SOX13: variants seen among roughly 807,000 people sequenced by gnomAD.
SOX13 encodes SRY-box transcription factor 13.
Under a neutral mutation model 71.8 loss-of-function variants are expected in SOX13, and 28 were observed. That is an observed-to-expected ratio of 0.39 (90% CI 0.29 to 0.53). The LOEUF is 0.53. Among genes scored for constraint, SOX13 ranks in the 20% least tolerant of loss-of-function variants. The pLI is 0.70. For missense variants in SOX13, 627 were observed against 810.3 expected, an observed-to-expected ratio of 0.77 and a Z score of 2.75; for synonymous variants, 309 against 317.8, an observed-to-expected ratio of 0.97 and a Z score of 0.29.
chr1:204,083,503 C>T (rs1413711113), intron 1 of SOX13, among the ~76,000 whole-genome samples: 1 of 152,186 alleles, frequency 6.6e-6, no homozygotes, highest in African/African-American at 2.4e-5. Context: ...CCTTGCCCTT[C>T]GGGATCCGTG....
Position 204,113,127 on chromosome 1 carries a change from G to T in SOX13, c.212G>T (p.Gly71Val). Residue 71 changes from glycine to valine, a missense_variant, in exon 2 of 14, where the codon GGC becomes GTC. Gly to Val is a moderately radical substitution (Grantham distance 109). This residue lies in a region of SOX13 where 447 missense variants were observed against 532.2 expected (regional missense o/e 0.84). Coordinates refer to ENST00000367204, the MANE Select transcript of SOX13 (RefSeq NM_005686.3). ...PQAPAQGNFRGSWDCSSPEGN... is the reference protein window; with the variant it reads ...PQAPAQGNFRVSWDCSSPEGN... ...GCTCCAGCCCAGGGGAATTTCAGGGGCTCCTGGGTCAGTGTCCCCGCCCTG... is the reference window on the plus strand; with the variant it reads ...GCTCCAGCCCAGGGGAATTTCAGGGTCTCCTGGGTCAGTGTCCCCGCCCTG... The T allele has an allele frequency of 6.4e-7, 1 of 1,551,326 alleles. No homozygotes were observed. The highest frequency in any genetic ancestry group is 2.0e-4 in the Middle Eastern group (1 of 5,112).
chr1:204,075,327 C>T (rs979188243), intron 1 of SOX13, among the ~76,000 whole-genome samples: 1 of 152,066 alleles, frequency 6.6e-6, no homozygotes, highest in South Asian at 2.1e-4. Flanking sequence ...CCCTCTCCCC[C>T]GCTCCCTGGC....
At position 204,122,990 on chromosome 1, in the gene SOX13, A is replaced by C. The variant is rs770863025; in HGVS notation, c.1134+27A>C. The C allele has an allele frequency of 3.2e-5, 49 of 1,533,176 alleles. No individual in the cohort carries two copies. In the South Asian group the frequency reaches 5.7e-4, roughly 18 times the overall value. 95.0% of individuals were successfully genotyped at this position (1,533,176 alleles called of 1,614,324 possible). On this transcript the variant is annotated intron_variant, in intron 10 of 13. Transcript: ENST00000367204. Reference sequence around the variant, plus strand: ...TATGGTCCCCCACTCCCTTGAGCCTAGGGGCAGCAACAGATGGTGGCCAGG... The same window carrying C: ...TATGGTCCCCCACTCCCTTGAGCCTCGGGGCAGCAACAGATGGTGGCCAGG...
At chr1:204,082,502 T>A (rs761719419) in intron 1 of SOX13, among the ~76,000 whole-genome samples, 1 of 152,160 alleles carries the variant, frequency 6.6e-6, no homozygotes, top group Non-Finnish European at 1.5e-5. Flanking sequence ...AGTAGTGGGC[T>A]ATCACCCCCT....
In SOX13 at chr1:204,122,953, C is replaced by G. The variant is rs752125027; in HGVS notation, c.1124C>G (p.Pro375Arg). 26 of 1,586,714 alleles carry G rather than the reference C, an allele frequency of 1.6e-5. No individual in the cohort carries two copies. The highest frequency in any genetic ancestry group is 1.2e-4 in the African/African-American group (9 of 74,242). ...GCCTTGGATGGCTCCCCCAACACCC[C>G]CTTCCGTAAGGTATGGTCCCCCACT... Reference protein sequence around the residue: ...SGALDGSPNTPFRKDLISLDS... With the variant: ...SGALDGSPNTRFRKDLISLDS... Residue 375 changes from proline (P) to arginine (R), a missense_variant, in exon 10 of 14, where the codon CCC becomes CGC. Physicochemically the swap from Pro to Arg is moderately radical, Grantham distance 103. Coordinates refer to ENST00000367204, the MANE Select transcript of SOX13 (RefSeq NM_005686.3).
intron 1 of SOX13, among the ~76,000 whole-genome samples, chr1:204,110,189 A>C (rs1656551624): frequency 1.3e-5 from 2 of 151,794 alleles, no homozygotes; most frequent in African/African-American, 4.8e-5. Flanking sequence ...AGTGGAGTGC[A>C]GTGGCTTAAT....
intron 1 of SOX13, among the ~76,000 whole-genome samples, chr1:204,109,821 T>C (rs774872938): frequency 3.3e-5 from 5 of 152,108 alleles, no homozygotes; most frequent in Admixed American, 6.6e-5. Context: ...TTATTGTTAT[T>C]ATTATTATCA....
rs775992563 is a variant in SOX13, at chr1:204,126,106, A to G, written c.1841A>G (p.Asp614Gly). The change falls in exon 14 of 14, where the codon GAT becomes GGT. Residue 614 changes from aspartate (D) to glycine (G), a missense_variant. This residue lies in a region of SOX13 where 148 missense variants were observed against 192.7 expected (regional missense o/e 0.77). Coordinates refer to ENST00000367204, the MANE Select transcript of SOX13 (RefSeq NM_005686.3). The part of the protein sequence containing the change: ...DEDSEGEEKS[D>G]GELVVLTD ...GACTCGGAGGGCGAAGAGAAGAGCGATGGGGAGTTGGTGGTGCTCACAGAC... is the reference window on the plus strand; with the variant it reads ...GACTCGGAGGGCGAAGAGAAGAGCGGTGGGGAGTTGGTGGTGCTCACAGAC... 6.2e-7 allele frequency: 1 copy of G among 1,613,906 alleles called. No individual in the cohort carries two copies. Among genetic ancestry groups the G allele is most frequent in the Non-Finnish European group, 8.5e-7 (1 of 1,179,836 alleles).
intron 2 of SOX13, among the ~76,000 whole-genome samples, 170 bp from the exon 3 acceptor site, chr1:204,114,151 T>C (rs938329401): frequency 1.3e-4 from 20 of 152,200 alleles, no homozygotes; most frequent in Non-Finnish European, 2.9e-5. Context: ...TCTGTTCTTT[T>C]CCTAAACAAA....
At chr1:204,088,753 C>T (rs533289051) in intron 1 of SOX13, among the ~76,000 whole-genome samples, 1 of 152,168 alleles carries the variant, frequency 6.6e-6, no homozygotes, top group Non-Finnish European at 1.5e-5. Flanking sequence ...CCCAGCCTCC[C>T]CTCTGCATCC....
intron 1 of SOX13, among the ~76,000 whole-genome samples, chr1:204,089,592 C>T (rs1656098966): frequency 6.6e-6 from 1 of 152,204 alleles, no homozygotes; most frequent in African/African-American, 2.4e-5. Flanking sequence ...AAGAATGGTG[C>T]ACAAGCAAAA....
rs1656863448 is a variant in SOX13, at chr1:204,123,869, T to A, written c.1375+65T>A. 6.4e-7 allele frequency: 1 copy of A among 1,570,148 alleles called. No homozygotes were observed. Among genetic ancestry groups the A allele is most frequent in the Non-Finnish European group, 8.7e-7 (1 of 1,144,460 alleles). ...GGTTGCAGGAGCCAGCTGGGTCTAT[T>A]CAGGGCTTGCTTGGTGATATTCCAT... On this transcript the variant is annotated intron_variant, in intron 12 of 13. Transcript: ENST00000367204. This position sits in a 1 kb window ranked among gnomAD's most constrained non-coding sequence, Gnocchi z 5.0.
Position 204,079,961 on chromosome 1 carries a change from C to G in SOX13, c.-2+6250C>G, listed in dbSNP as rs533914371. 3.3e-5 allele frequency among the ~76,000 whole-genome samples: 5 copies of G among 152,280 alleles called. No individual in the cohort carries two copies. The South Asian group carries it at 1.0e-3, about 32-fold the overall frequency. On this transcript the variant is annotated intron_variant, in intron 1 of 13. Coordinates refer to ENST00000367204, the MANE Select transcript of SOX13 (RefSeq NM_005686.3). ...TGTGTGTGGCCTGGTATCTCAGAGT[C>G]CTGGGTGTGCACAGGGTGTGCACAG... is the stretch of plus-strand genomic sequence containing the variant.
Position 204,113,018 on chromosome 1 carries a change from G to A in SOX13, c.103G>A (p.Glu35Lys), listed in dbSNP as rs575571229. ...KSEEKKEPCH[E>K]APQGSATAAE... is the part of the protein sequence containing the mutation. ...AGAGGAGAAGAAAGAGCCTTGCCAC[G>A]AGGCCCCCCAGGGCTCAGCCACTGC... Residue 35 changes from glutamate (E) to lysine (K), a missense_variant, in exon 2 of 14, where the codon GAG becomes AAG. By Grantham distance (56) the Glu-to-Lys change is moderately conservative. Around this residue, in one of 3 missense-constraint regions of SOX13, gnomAD observed 447 missense variants for 532.2 expected, o/e 0.84. Transcript: ENST00000367204. 2.9e-5 allele frequency: 47 copies of A among 1,612,930 alleles called. No individual in the cohort carries two copies. The African/African-American group carries it at 3.6e-4, about 12-fold the overall frequency.
chr1:204,077,090 G>C (rs964892301), intron 1 of SOX13, among the ~76,000 whole-genome samples: 2 of 152,230 alleles, frequency 1.3e-5, no homozygotes, highest in African/African-American at 4.8e-5. Flanking sequence ...CTGGGGGAGA[G>C]GATAGCTCAG....
Position 204,123,597 on chromosome 1 carries a change from T to G in SOX13, c.1232-64T>G. 1 of 1,560,080 alleles carries G rather than the reference T, an allele frequency of 6.4e-7. No homozygotes were observed. The highest frequency in any genetic ancestry group is 8.7e-7 in the Non-Finnish European group (1 of 1,147,416). ...GGTCAAGTAGGGGACGTCTCTCTGC[T>G]GGCCCTGGGGCACTCTCCTGACCCC... On this transcript the variant is annotated intron_variant, in intron 11 of 13. Coordinates refer to ENST00000367204, the MANE Select transcript of SOX13 (RefSeq NM_005686.3). This position sits in a 1 kb window ranked among gnomAD's most constrained non-coding sequence, Gnocchi z 5.0.
intron 1 of SOX13, among the ~76,000 whole-genome samples, chr1:204,080,564 C>A (rs1655881861): frequency 6.6e-6 from 1 of 152,014 alleles, no homozygotes; most frequent in Non-Finnish European, 1.5e-5. Context: ...CCGCCCCCTG[C>A]TTGACTCAGA....
intron 1 of SOX13, among the ~76,000 whole-genome samples, chr1:204,102,274 G>A (rs754323585): frequency 3.3e-5 from 5 of 152,214 alleles, no homozygotes; most frequent in Non-Finnish European, 7.3e-5. Context: ...TGTCCTTTCC[G>A]CTGTCTGTAG....
In SOX13 at chr1:204,114,390, G is replaced by A; in HGVS notation, c.289G>A (p.Gly97Arg). The change falls in exon 3 of 14, where the codon GGA (glycine) becomes AGA (arginine). Residue 97 changes from glycine (G) to arginine (R), a missense_variant. By Grantham distance (125) the Gly-to-Arg change is moderately radical (BLOSUM62 -2). Around this residue, in one of 3 missense-constraint regions of SOX13, gnomAD observed 447 missense variants for 532.2 expected, o/e 0.84. Transcript: ENST00000367204. ...KRPGVSEAAS[G>R]SQEKLDFNRN... ...ACCAGGAGTGTCGGAGGCTGCCTCT[G>A]GAAGCCAGGAGAAGCTGGACTTCAA... 2 of 1,612,788 alleles carry A rather than the reference G, an allele frequency of 1.2e-6. No homozygotes were observed. Among genetic ancestry groups the A allele is most frequent in the Middle Eastern group, 1.6e-4 (1 of 6,062 alleles).
Sources: allele counts gnomAD v4.1 joint callset (sites outside exome capture counted in the v4.1 genomes callset), GRCh38; gene constraint gnomAD v4.1.1; regional missense constraint gnomAD v4.1.1; non-coding constraint Gnocchi (gnomAD v3.1); transcripts MANE v1.5; gene names NCBI Gene and HGNC (gene_info 2026-07-23, HGNC 2026-07-21).